Variants in VAV3 observed in about 807,000 individuals in gnomAD.
VAV3 encodes the protein guanine nucleotide exchange factor VAV3.
Under a neutral mutation model 131.2 loss-of-function variants are expected in VAV3, and 94 were observed. That is an observed-to-expected ratio of 0.72 (90% CI 0.61 to 0.85). The LOEUF is 0.85. VAV3 is among the 40% of genes least tolerant of loss of function. The probability of loss-of-function intolerance (pLI) is 0.00; values close to 1 mark genes in which losing one functional copy is unlikely to be tolerated. For missense variants in VAV3, 939 were observed against 1,002.7 expected, an observed-to-expected ratio of 0.94 and a Z score of 0.86; for synonymous variants, 349 against 342.0, an observed-to-expected ratio of 1.02 and a Z score of -0.22.
intron 9 of VAV3, among the ~76,000 whole-genome samples, chr1:107,761,392 CAAAA>C (rs35391183): frequency 7.8e-5 from 8 of 102,512 alleles, no homozygotes; most frequent in Non-Finnish European, 1.2e-4. Flanking sequence ...GACTCCGTCT[CAAAA>C]AAAAAAAAAA....
chr1:107,935,076 T>C (rs1437340864), intron 1 of VAV3, among the ~76,000 whole-genome samples: 4 of 152,224 alleles, frequency 2.6e-5, no homozygotes, highest in African/African-American at 9.7e-5. Flanking sequence ...TTGGCAAACA[T>C]TCATATCAGC....
chr1:107,712,851 A>C (rs1340282513), intron 15 of VAV3, among the ~76,000 whole-genome samples: 1 of 152,222 alleles, frequency 6.6e-6, no homozygotes, highest in Admixed American at 6.5e-5. Context: ...ACAAAGAAAG[A>C]TCACGTTAGG....
At chr1:107,872,904 T>C (rs1419271378) in intron 2 of VAV3, among the ~76,000 whole-genome samples, 1 of 152,204 alleles carries the variant, frequency 6.6e-6, no homozygotes, top group Non-Finnish European at 1.5e-5. Context: ...CTACTGGTGG[T>C]ATTGGCAGTT....
chr1:107,667,777 T>C (rs960135640), intron 19 of VAV3, among the ~76,000 whole-genome samples: 3 of 152,168 alleles, frequency 2.0e-5, no homozygotes, highest in African/African-American at 4.8e-5. Flanking sequence ...TTTGGGGTCA[T>C]TTCCTGATAT....
At position 107,588,771 on chromosome 1, in the gene VAV3, T is replaced by C. The variant is rs184739761; in HGVS notation, c.2350+7441A>G. ...TTCCTGGAATACTCCATTGGAGATATTGATCTGATATTTGTAAAAGGGGTT... is the reference window on the plus strand; with the variant it reads ...TTCCTGGAATACTCCATTGGAGATACTGATCTGATATTTGTAAAAGGGGTT... On this transcript the variant is annotated intron_variant, in intron 25 of 26. Transcript: ENST00000370056. Among the ~76,000 whole-genome samples, 16 of 152,348 alleles carry C rather than the reference T, an allele frequency of 1.1e-4. No homozygotes were observed. The East Asian group carries it at 1.9e-3, about 18-fold the overall frequency.
chr1:107,888,131 G>A (rs755399932), intron 1 of VAV3, among the ~76,000 whole-genome samples: 1 of 151,986 alleles, frequency 6.6e-6, no homozygotes, highest in African/African-American at 2.4e-5. Flanking sequence ...ATTCTTACTG[G>A]CATAATAAAA....
intron 15 of VAV3, among the ~76,000 whole-genome samples, chr1:107,729,538 G>A (rs980941586): frequency 1.3e-4 from 20 of 152,312 alleles, no homozygotes; most frequent in African/African-American, 4.6e-4. Flanking sequence ...GGAAAAGGAT[G>A]TCCTACGACA....
At chr1:107,868,110 A>G (rs575127773) in intron 2 of VAV3, among the ~76,000 whole-genome samples, 62 of 152,318 alleles carry the variant, frequency 4.1e-4, no homozygotes, top group African/African-American at 1.5e-3. Flanking sequence ...GCACCACACT[A>G]GCAGACAGAG....
rs982913403 is a variant in VAV3 at position 107,642,644 on chromosome 1, C to T, written c.1889G>A (p.Gly630Glu). Residue 630 changes from glycine (G) to glutamate (E), a missense_variant, in exon 20 of 27, where the codon GGA (glycine) becomes GAA (glutamate). By Grantham distance (98) the Gly-to-Glu change is moderately conservative (BLOSUM62 -2). Coordinates refer to ENST00000370056, the MANE Select transcript of VAV3 (RefSeq NM_006113.5). ...CTGCCAAAACAGACTGTGTGCATCT[C>T]CTTTCAGAAGTTCAACGGTATCCCC... is the stretch of plus-strand genomic sequence containing the variant. ...QAGDTVELLK[G>E]DAHSLFWQGR... The T allele has an allele frequency of 5.0e-6, 8 of 1,613,146 alleles. No homozygotes were observed. Among genetic ancestry groups the T allele is most frequent in the Non-Finnish European group, 8.5e-7 (1 of 1,179,532 alleles).
chr1:107,608,948 C>A (rs1652511733), intron 22 of VAV3, among the ~76,000 whole-genome samples: 1 of 152,072 alleles, frequency 6.6e-6, no homozygotes, highest in Non-Finnish European at 1.5e-5. Context: ...AAGTCAAACA[C>A]AAAATTCAGG....
chr1:107,816,302 T>C (rs1667557232), intron 2 of VAV3, among the ~76,000 whole-genome samples: 1 of 152,232 alleles, frequency 6.6e-6, no homozygotes, highest in South Asian at 2.1e-4. Flanking sequence ...CTGAGCCTAT[T>C]TTCTCATATA....
Position 107,603,135 on chromosome 1 carries a change from C to T in VAV3, c.2044G>A (p.Ala682Thr), listed in dbSNP as rs752873859. 6.2e-7 allele frequency: 1 copy of T among 1,613,346 alleles called. No homozygotes were observed. The highest frequency in any genetic ancestry group is 1.1e-5 in the South Asian group (1 of 90,934). Residue 682 changes from alanine (A) to threonine (T), a missense_variant, in exon 23 of 27, where the codon GCA (alanine) becomes ACA (threonine). Physicochemically the swap from Ala to Thr is moderately conservative, Grantham distance 58. Transcript: ENST00000370056. ...ACCCTATTAATAAGTTCGGTCTCTG[C>T]TTGCAATCTTTCCATTGCTCCAGCA... Reference protein sequence around the residue: ...WYAGAMERLQAETELINRVNS... With the variant: ...WYAGAMERLQTETELINRVNS...
chr1:107,706,565 A>T, intron 15 of VAV3, among the ~76,000 whole-genome samples: 1 of 152,220 alleles, frequency 6.6e-6, no homozygotes, highest in East Asian at 1.9e-4. Context: ...CTGATTAAAA[A>T]TTGCAGAGCT....
chr1:107,653,474 T>G (rs957427333), intron 19 of VAV3, among the ~76,000 whole-genome samples: 75 of 152,060 alleles, frequency 4.9e-4, no homozygotes, highest in Non-Finnish European at 3.4e-4. Flanking sequence ...ATTGTAAACT[T>G]CTATGAGTCC....
At chr1:107,766,607 C>CCAA in intron 7 of VAV3, 57 bp from the exon 8 acceptor site, 1 of 1,335,388 alleles carries the variant, frequency 7.5e-7, no homozygotes, top group South Asian at 1.2e-5. Context: ...AAAATACACC[C>CCAA]CAAACCCAGA....
At chr1:107,904,980 T>A (rs1164776953) in intron 1 of VAV3, among the ~76,000 whole-genome samples, 1 of 152,208 alleles carries the variant, frequency 6.6e-6, no homozygotes, top group Non-Finnish European at 1.5e-5. Context: ...AGGAAATATC[T>A]GAGGGATAAG....
intron 19 of VAV3, among the ~76,000 whole-genome samples, chr1:107,673,992 C>T (rs138369468): frequency 3.2e-4 from 49 of 152,266 alleles, no homozygotes; most frequent in Non-Finnish European, 5.9e-4. Context: ...TGTATGCTGC[C>T]TCATTTTTAA....
At chr1:107,725,306 T>C (rs1478405014) in intron 15 of VAV3, among the ~76,000 whole-genome samples, 1 of 152,164 alleles carries the variant, frequency 6.6e-6, no homozygotes, top group Non-Finnish European at 1.5e-5. Context: ...GTGTCATCAC[T>C]AGCAGATCCT....
chr1:107,858,553 C>T (rs1209241533), intron 2 of VAV3, among the ~76,000 whole-genome samples: 4 of 152,182 alleles, frequency 2.6e-5, no homozygotes, highest in Non-Finnish European at 4.4e-5. Flanking sequence ...AGAGTCAGAT[C>T]AGCAAGGGCA....
Sources: gnomAD v4.1 joint callset for allele counts (sites outside exome capture counted in the v4.1 genomes callset) on GRCh38, gnomAD v4.1.1 for gene constraint, MANE v1.5 for transcripts, NCBI Gene and HGNC (gene_info 2026-07-23, HGNC 2026-07-21) for gene names.